The following ZNF19 variants were observed in gnomAD, a reference collection of about 807,000 sequenced individuals.
The protein encoded by ZNF19 is zinc finger protein 19 (KOX 12).
ZNF19 carries 11 observed loss-of-function variants against 13.1 expected under a neutral mutation model. The observed-to-expected ratio is 0.84, with a 90% CI of 0.53 to 1.39. The LOEUF is 1.39. ZNF19 is among the 40% of genes most tolerant of loss of function. The pLI, the probability that ZNF19 is intolerant of heterozygous loss-of-function variation, is 0.00. For synonymous variants in ZNF19, 186 were observed against 187.0 expected (o/e 0.99, Z 0.04); for missense variants, 560 against 547.0 (o/e 1.02, Z -0.24).
rs865899303 is a variant in ZNF19, at chr16:71,474,692, G to A, written c.*478C>T. 43 of 159,734 alleles carry A rather than the reference G, an allele frequency of 2.7e-4. No homozygotes were observed. Among genetic ancestry groups the A allele is most frequent in the Admixed American group, 1.5e-3 (25 of 16,720 alleles). 9.9% of individuals were successfully genotyped at this position (159,734 alleles called of 1,614,324 possible). On this transcript the variant is annotated 3_prime_UTR_variant, in exon 6 of 6. Transcript: ENST00000288177. ...GAAAACTTCAAACAACTGCTACAATGACAACACTGTTTAAGTCAAAATTCT... is the reference window on the plus strand; with the variant it reads ...GAAAACTTCAAACAACTGCTACAATAACAACACTGTTTAAGTCAAAATTCT...
chr16:71,474,827 C>G lies in ZNF19; in HGVS notation c.*343G>C, dbSNP rs1202888358. The G allele has an allele frequency of 4.9e-6, 1 of 206,136 alleles. No homozygotes were observed. The highest frequency in any genetic ancestry group is 9.7e-6 in the Non-Finnish European group (1 of 103,578). The allele number at this position is 206,136 out of a possible 1,614,324, so 12.8% of individuals were successfully genotyped here. A position where few individuals can be genotyped will look rare whatever the true frequency, so the allele number is the denominator to read the frequency against. On this transcript the variant is annotated 3_prime_UTR_variant, in exon 6 of 6. Coordinates refer to ENST00000288177, the MANE Select transcript of ZNF19 (RefSeq NM_006961.4). ...AAAAACCCGTATATATTTTTAGCTT[C>G]AGGCATGGTGTATGTGGCTGTTCAA... is the stretch of plus-strand genomic sequence containing the variant.
At chr16:71,480,697 C>A (rs1036331014) in intron 3 of ZNF19, among the ~76,000 whole-genome samples, 1 of 152,204 alleles carries the variant, frequency 6.6e-6, no homozygotes, top group Admixed American at 6.5e-5. Context: ...TTCATCAACT[C>A]CTGAATGAAC....
intron 1 of ZNF19, among the ~76,000 whole-genome samples, chr16:71,488,188 C>T (rs1328282714): frequency 1.3e-5 from 2 of 151,646 alleles, no homozygotes; most frequent in Admixed American, 1.3e-4. Flanking sequence ...GGAGAAATCG[C>T]ATCTCTACTA....
chr16:71,488,284 C>T (rs1215335700), intron 1 of ZNF19, among the ~76,000 whole-genome samples: 1 of 150,000 alleles, frequency 6.7e-6, no homozygotes, highest in African/African-American at 2.5e-5. Flanking sequence ...TGCTTGAACC[C>T]GGGAGGTGGA....
chr16:71,476,249 C>G lies in ZNF19; in HGVS notation c.298G>C (p.Glu100Gln), dbSNP rs781274459. The change falls in exon 6 of 6, where the codon GAG (glutamate) becomes CAG (glutamine). Residue 100 changes from glutamate to glutamine, a missense_variant. Glu to Gln is a conservative substitution (Grantham distance 29). Transcript: ENST00000288177. ...CKDVETNIDS[E>Q]STLIQGISEE... Reference sequence around the variant, plus strand: ...GAAATTCCCTGGATTAATGTGGACTCACTGTCAATGTTGGTCTCAACATCT... The same window carrying G: ...GAAATTCCCTGGATTAATGTGGACTGACTGTCAATGTTGGTCTCAACATCT... The G allele has an allele frequency of 7.4e-6, 12 of 1,612,896 alleles. No individual in the cohort carries two copies. The highest frequency in any genetic ancestry group is 9.3e-6 in the Non-Finnish European group (11 of 1,179,426).
chr16:71,475,010 T>C lies in ZNF19; in HGVS notation c.*160A>G. On this transcript the variant is annotated 3_prime_UTR_variant, in exon 6 of 6. Transcript: ENST00000288177. ...TATTTGTTCCTATTAGCTCTTGCAA[T>C]CCTGGGACTCTAATTGAACCATCTT... The C allele has an allele frequency of 1.1e-6, 1 of 898,328 alleles. No individual in the cohort carries two copies. Among genetic ancestry groups the C allele is most frequent in the Non-Finnish European group, 1.6e-6 (1 of 608,582 alleles). 55.6% of individuals were successfully genotyped at this position (898,328 alleles called of 1,614,324 possible).
intron 5 of ZNF19, among the ~76,000 whole-genome samples, chr16:71,476,713 C>A (rs1260342791): frequency 2.6e-5 from 4 of 152,200 alleles, no homozygotes; most frequent in African/African-American, 9.7e-5. Context: ...TTTTTAAAAA[C>A]TCATACCCTG....
In ZNF19 at chr16:71,475,795, C is replaced by T. The variant is rs769806047; in HGVS notation, c.752G>A (p.Gly251Glu). 6.2e-7 allele frequency: 1 copy of T among 1,612,766 alleles called. No individual in the cohort carries two copies. Among genetic ancestry groups the T allele is most frequent in the South Asian group, 1.1e-5 (1 of 91,014 alleles). The change falls in exon 6 of 6, where the codon GGG becomes GAG. Residue 251 changes from glycine to glutamate, a missense_variant. Transcript: ENST00000288177. ...GDRPYYCTEC[G>E]NSFTSSSEFV... Reference sequence around the variant, plus strand: ...CTCGGAACTACTCGTGAAACTATTCCCACACTCTGTACAGTAATAGGGTCT... The same window carrying T: ...CTCGGAACTACTCGTGAAACTATTCTCACACTCTGTACAGTAATAGGGTCT...
intron 1 of ZNF19, 62 bp from the exon 2 acceptor site, chr16:71,484,810 T>C: frequency 1.1e-6 from 1 of 902,698 alleles, no homozygotes; most frequent in East Asian, 1.2e-4. Flanking sequence ...TTTAGCATTT[T>C]CTTCTATGTT....
At chr16:71,479,188 C>G (rs1051320493) in intron 3 of ZNF19, 183 bp from the exon 4 acceptor site, 1 of 671,664 alleles carries the variant, frequency 1.5e-6, no homozygotes. Flanking sequence ...TCTGGAACTT[C>G]TCTCACTACC....
chr16:71,485,326 T>A (rs1169245131), intron 1 of ZNF19, among the ~76,000 whole-genome samples: 1 of 151,758 alleles, frequency 6.6e-6, no homozygotes, highest in Non-Finnish European at 1.5e-5. Flanking sequence ...GGCGGGCACC[T>A]GTAATCCCAG....
chr16:71,476,144 C>G lies in ZNF19; in HGVS notation c.403G>C (p.Val135Leu). 1 of 1,614,186 alleles carries G rather than the reference C, an allele frequency of 6.2e-7. No homozygotes were observed. Among genetic ancestry groups the G allele is most frequent in the Non-Finnish European group, 8.5e-7 (1 of 1,180,030 alleles). Residue 135 changes from valine to leucine, a missense_variant, in exon 6 of 6, where the codon GTG becomes CTG. Val to Leu is a conservative substitution (Grantham distance 32). Transcript: ENST00000288177. Reference protein sequence around the residue: ...QRTDFPETRNVEKHQDIPTVK... With the variant: ...QRTDFPETRNLEKHQDIPTVK... ...GTGGGGATGTCCTGGTGCTTTTCCA[C>G]ATTACGTGTTTCTGGGAAGTCAGTT... is the stretch of plus-strand genomic sequence containing the variant.
intron 4 of ZNF19, 48 bp from the exon 5 acceptor site, chr16:71,478,389 T>A: frequency 1.4e-6 from 2 of 1,403,946 alleles, no homozygotes; most frequent in Non-Finnish European, 2.0e-6. Flanking sequence ...ATCTGCTGTG[T>A]CAAAAGAAGG....
At chr16:71,478,739 G>T in intron 4 of ZNF19, 140 bp downstream of exon 4, 1 of 1,253,676 alleles carries the variant, frequency 8.0e-7, no homozygotes, top group Non-Finnish European at 1.1e-6. Context: ...TGGTCACTGA[G>T]CCTCAGCTCT....
intron 3 of ZNF19, among the ~76,000 whole-genome samples, chr16:71,479,299 G>A (rs1468362257): frequency 2.0e-5 from 3 of 152,116 alleles, no homozygotes; most frequent in Non-Finnish European, 4.4e-5. Flanking sequence ...AACCTTCCTA[G>A]GGCAAAAATC....
chr16:71,476,379 C>T, intron 5 of ZNF19, 107 bp from the exon 6 acceptor site: 2 of 1,281,262 alleles, frequency 1.6e-6, no homozygotes, highest in Admixed American at 2.8e-5. Flanking sequence ...TCAACTTTCA[C>T]ATCAGCATGC....
At chr16:71,481,971 C>G (rs2043639637) in intron 3 of ZNF19, 111 bp downstream of exon 3, 5 of 1,136,974 alleles carry the variant, frequency 4.4e-6, no homozygotes, top group Middle Eastern at 1.9e-4. Context: ...AGGGAATCAG[C>G]AGGGGTTTTC....
chr16:71,486,305 G>A (rs993875520), intron 1 of ZNF19, among the ~76,000 whole-genome samples: 2 of 151,790 alleles, frequency 1.3e-5, no homozygotes, highest in Non-Finnish European at 2.9e-5. Context: ...AGGCTGCAGT[G>A]AGCCTTGATT....
intron 1 of ZNF19, among the ~76,000 whole-genome samples, chr16:71,485,310 CGTAAT>C (rs1388795031): frequency 6.6e-6 from 1 of 151,876 alleles, no homozygotes; most frequent in African/African-American, 2.4e-5. Flanking sequence ...ATTAGCCAGG[CGTAAT>C]GGCGGGCACC....
Sources: gnomAD v4.1 joint callset for allele counts (sites outside exome capture counted in the v4.1 genomes callset) on GRCh38, gnomAD v4.1.1 for gene constraint, MANE v1.5 for transcripts, NCBI Gene and HGNC (gene_info 2026-07-23, HGNC 2026-07-21) for gene names.